SALL1: variants seen among roughly 807,000 people sequenced by gnomAD.
The protein encoded by SALL1 is sal-like protein 1.
A neutral mutation model predicts 73.1 loss-of-function variants in SALL1; 10 were observed. That is an observed-to-expected ratio of 0.14 (90% confidence interval 0.08 to 0.23). The LOEUF (loss-of-function observed/expected upper bound fraction) is 0.23, where lower values mean the gene tolerates loss of function less well. SALL1 is among the 10% of genes least tolerant of loss of function. The pLI is 1.00. For synonymous variants in SALL1, 688 were observed against 689.8 expected, an observed-to-expected ratio of 1.00 and a Z score of 0.04; for missense variants, 1,520 against 1,697.3, an observed-to-expected ratio of 0.90 and a Z score of 1.84.
chr16:51,137,012 AGAAG>A lies in SALL1; in HGVS notation c.*96_*99del. On this transcript the variant is annotated 3_prime_UTR_variant, in exon 3 of 3. Transcript: ENST00000251020. ...GTTGTAGTTCATAGATCTGGGGAAC[AGAAG>A]GAAGGGGCGGGGCGGGGTGGGGGGC... is the stretch of plus-strand genomic sequence containing the variant. The A allele has an allele frequency of 1.0e-6, 1 of 971,526 alleles. No homozygotes were observed. The highest frequency in any genetic ancestry group is 1.6e-6 in the Non-Finnish European group (1 of 633,014). The allele number at this position is 971,526 out of a possible 1,614,324, so 60.2% of individuals were successfully genotyped here.
Position 51,139,440 on chromosome 16 carries a change from C to G in SALL1, c.2782G>C (p.Ala928Pro). The stretch of plus-strand genomic sequence containing the variant: ...TGCGTGCTGTTGGACGGGGACAGAG[C>G]CTGCATGGAAGAGGTAGACTCTGAG... ...AISESTSSMQ[A>P]LSPSNSTQEF... is the part of the protein sequence containing the mutation. The change falls in exon 2 of 3, where the codon GCT (alanine) becomes CCT (proline). Residue 928 changes from alanine (A) to proline (P), a missense_variant. Transcript: ENST00000251020. 2.5e-6 allele frequency: 4 copies of G among 1,614,172 alleles called. No homozygotes were observed. The highest frequency in any genetic ancestry group is 3.4e-6 in the Non-Finnish European group (4 of 1,180,048).
chr16:51,151,173 C>A lies in SALL1; in HGVS notation c.69G>T (p.Arg23=). 1 of 1,596,854 alleles carries A rather than the reference C, an allele frequency of 6.3e-7. No individual in the cohort carries two copies. The highest frequency in any genetic ancestry group is 8.5e-7 in the Non-Finnish European group (1 of 1,173,860). ...QSDPEVASLP[R]RDGDTEKGQP... ...GCGGGCCGGAGCACTCACCATCTCG[C>A]CGGGGGAGCGAGGCCACTTCGGGGT... The change falls in exon 1 of 3, where the codon CGG becomes CGT. Residue 23 remains arginine, a synonymous_variant. Coordinates refer to ENST00000251020, the MANE Select transcript of SALL1 (RefSeq NM_002968.3).
chr16:51,145,173 TAC>T (rs1438243390), intron 1 of SALL1, among the ~76,000 whole-genome samples: 4 of 146,866 alleles, frequency 2.7e-5, no homozygotes, highest in Admixed American at 1.4e-4. Flanking sequence ...TGTAGTAAGA[TAC>T]ACACACACAC....
In SALL1 at chr16:51,140,524, G is replaced by A; in HGVS notation, c.1698C>T (p.Leu566=). 6.2e-7 allele frequency: 1 copy of A among 1,614,008 alleles called. No individual in the cohort carries two copies. The part of the protein sequence containing the change: ...GLPLPPTLPS[L]IPFIKTEEPA... ...GCTCTTCCGTCTTGATGAAGGGTATGAGGCTTGGGAGGGTTGGGGGCAACG... is the reference window on the plus strand; with the variant it reads ...GCTCTTCCGTCTTGATGAAGGGTATAAGGCTTGGGAGGGTTGGGGGCAACG... Residue 566 remains leucine (L), a synonymous_variant, in exon 2 of 3, where the codon CTC becomes CTT. Transcript: ENST00000251020. This position sits in a 1 kb window ranked among gnomAD's most constrained non-coding sequence, Gnocchi z 5.7.
intron 1 of SALL1, among the ~76,000 whole-genome samples, chr16:51,142,634 A>T (rs1191959726): frequency 6.6e-6 from 1 of 151,354 alleles, no homozygotes; most frequent in African/African-American, 2.4e-5. Context: ...GACAAGGGGG[A>T]AAAAAATGCA....
intron 1 of SALL1, among the ~76,000 whole-genome samples, chr16:51,147,601 T>A (rs998939317): frequency 5.3e-5 from 8 of 152,224 alleles, no homozygotes; most frequent in African/African-American, 1.9e-4. Context: ...ATTTTTATGA[T>A]ACTTCATATG....
intron 1 of SALL1, 36 bp downstream of exon 1, chr16:51,151,130 T>A: frequency 1.5e-6 from 2 of 1,326,274 alleles, no homozygotes; most frequent in Non-Finnish European, 2.1e-6. Context: ...TGTGAGTGCG[T>A]GTGTGTGTGT....
Position 51,139,048 on chromosome 16 carries a change from G to A in SALL1, c.3174C>T (p.Ser1058=). 1 of 1,614,146 alleles carries A rather than the reference G, an allele frequency of 6.2e-7. No homozygotes were observed. Among genetic ancestry groups the A allele is most frequent in the South Asian group, 1.1e-5 (1 of 91,078 alleles). The change falls in exon 2 of 3, where the codon TCC becomes TCT. Residue 1058 remains serine, a synonymous_variant. Coordinates refer to ENST00000251020, the MANE Select transcript of SALL1 (RefSeq NM_002968.3). ...MLTHQMRDLP[S]QLFEPSSNLG... The stretch of plus-strand genomic sequence containing the variant: ...GGTTGGAACTGGGCTCAAAGAGCTG[G>A]GATGGCAGATCTCGCATCTGATGTG...
intron 1 of SALL1, among the ~76,000 whole-genome samples, chr16:51,142,910 G>A (rs1487143949): frequency 1.3e-5 from 2 of 152,118 alleles, no homozygotes; most frequent in African/African-American, 4.8e-5. Context: ...TGTAACTCCG[G>A]CTACCATTCC....
intron 2 of SALL1, 29 bp from the exon 3 acceptor site, chr16:51,137,581 A>T (rs1292135384): frequency 1.3e-6 from 2 of 1,556,280 alleles, no homozygotes; most frequent in African/African-American, 2.7e-5. Context: ...AGGCAGAGAG[A>T]CAGAGAGAGA....
At chr16:51,150,093 C>T (rs1962575161) in intron 1 of SALL1, among the ~76,000 whole-genome samples, 1 of 152,196 alleles carries the variant, frequency 6.6e-6, no homozygotes, top group African/African-American at 2.4e-5. Context: ...CGTGAAACAC[C>T]TTTAGGAGCA....
At chr16:51,142,779 C>A (rs527632638) in intron 1 of SALL1, among the ~76,000 whole-genome samples, 1 of 152,298 alleles carries the variant, frequency 6.6e-6, no homozygotes, top group Non-Finnish European at 1.5e-5. Flanking sequence ...TCAAAACTCA[C>A]TTGAACACAA....
At position 51,139,963 on chromosome 16, in the gene SALL1, G is replaced by A. The variant is rs1015061989; in HGVS notation, c.2259C>T (p.Tyr753=). The A allele has an allele frequency of 5.6e-6, 9 of 1,614,210 alleles. No homozygotes were observed. The highest frequency in any genetic ancestry group is 5.0e-5 in the Admixed American group (3 of 60,024). ...GCGGGGGCATAGCACGATGGACACT[G>A]TAGTGGGTTTTAAGATTCCCTTTCG... ...FTTKGNLKTH[Y]SVHRAMPPLR... is the part of the protein sequence containing the mutation. Residue 753 remains tyrosine, a synonymous_variant, in exon 2 of 3, where the codon TAC becomes TAT. Coordinates refer to ENST00000251020, the MANE Select transcript of SALL1 (RefSeq NM_002968.3).
chr16:51,141,710 G>C lies in SALL1; in HGVS notation c.512C>G (p.Ala171Gly). The C allele has an allele frequency of 6.2e-7, 1 of 1,613,522 alleles. No homozygotes were observed. Among genetic ancestry groups the C allele is most frequent in the Non-Finnish European group, 8.5e-7 (1 of 1,179,978 alleles). The part of the protein sequence containing the change: ...GGGSSSTGTS[A>G]ITTSLPQLGD... ...GAGTTGAGGTAGAGAGGTTGTGATC[G>C]CTGAGGTACCTGTGGAGGAGCTGCC... The change falls in exon 2 of 3, where the codon GCG (alanine) becomes GGG (glycine). Residue 171 changes from alanine (A) to glycine (G), a missense_variant. Physicochemically the swap from Ala to Gly is moderately conservative, Grantham distance 60 (BLOSUM62 0). Transcript: ENST00000251020. This position sits in a 1 kb window ranked among gnomAD's most constrained non-coding sequence, Gnocchi z 5.4.
rs1175843155 is a variant in SALL1, at chr16:51,140,327, TTGG to T, written c.1892_1894del (p.Thr631del). The T allele has an allele frequency of 6.2e-7, 1 of 1,613,994 alleles. No homozygotes were observed. ...GCTACTGCTCGCCGTCGGGACTGAGTTGGTGACCATGCCACTCTCTTCGCTTTT... is the reference window on the plus strand; with the variant it reads ...GCTACTGCTCGCCGTCGGGACTGAGTTGACCATGCCACTCTCTTCGCTTTT... On this transcript the variant is annotated inframe_deletion, in exon 2 of 3. Coordinates refer to ENST00000251020, the MANE Select transcript of SALL1 (RefSeq NM_002968.3). This position sits in a 1 kb window ranked among gnomAD's most constrained non-coding sequence, Gnocchi z 5.7.
In SALL1 at chr16:51,140,809, A is replaced by G. The variant is rs1285973751; in HGVS notation, c.1413T>C (p.His471=). ...TGCACTTGAATGGCCTCTCTCCGGT[A>G]TGGGAACGCAAGTGGATCTGCAAGG... ...DSALQIHLRS[H]TGERPFKCNI... The change falls in exon 2 of 3, where the codon CAT becomes CAC. Residue 471 remains histidine, a synonymous_variant. Transcript: ENST00000251020. The surrounding 1 kb of genome is among the most constrained non-coding windows in gnomAD (Gnocchi z 5.7). 1 of 1,614,086 alleles carries G rather than the reference A, an allele frequency of 6.2e-7. No homozygotes were observed. Among genetic ancestry groups the G allele is most frequent in the East Asian group, 2.2e-5 (1 of 44,886 alleles).
intron 1 of SALL1, among the ~76,000 whole-genome samples, chr16:51,145,193 C>G (rs1055733564): frequency 2.3e-5 from 3 of 132,196 alleles, no homozygotes; most frequent in South Asian, 2.8e-4. Context: ...CACATACACA[C>G]ACATTCTCTC....
intron 1 of SALL1, among the ~76,000 whole-genome samples, chr16:51,148,856 G>A (rs1442180106): frequency 6.6e-6 from 1 of 150,952 alleles, no homozygotes; most frequent in Non-Finnish European, 1.5e-5. Flanking sequence ...TGTAAAAACA[G>A]TCATAACCTA....
At chr16:51,144,169 C>T (rs1962484231) in intron 1 of SALL1, among the ~76,000 whole-genome samples, 2 of 152,102 alleles carry the variant, frequency 1.3e-5, no homozygotes, top group Admixed American at 6.5e-5. Context: ...ATGATGCATC[C>T]ATTTCAGATG....
Sources: gnomAD v4.1 joint callset for allele counts (sites outside exome capture counted in the v4.1 genomes callset) on GRCh38, gnomAD v4.1.1 for gene constraint, Gnocchi (gnomAD v3.1) non-coding constraint, MANE v1.5 for transcripts, NCBI Gene and HGNC (gene_info 2026-07-23, HGNC 2026-07-21) for gene names.